ZNF713: variants seen among roughly 807,000 people sequenced by gnomAD.
ZNF713 encodes the protein zinc finger protein 713.
A neutral mutation model predicts 28.7 loss-of-function variants in ZNF713; 21 were observed. The ratio of observed to expected loss-of-function variants is 0.73; its 90% confidence interval spans 0.52 to 1.05. The LOEUF (loss-of-function observed/expected upper bound fraction) is 1.05. Ranked by LOEUF, ZNF713 falls within the 50% of genes least tolerant of loss-of-function variation. ZNF713 has a pLI of 0.00. For synonymous variants in ZNF713, 167 were observed against 178.0 expected (o/e 0.94, Z 0.49); for missense variants, 458 against 532.4 (o/e 0.86, Z 1.37).
intron 1 of ZNF713, among the ~76,000 whole-genome samples, chr7:55,890,488 A>G (rs1482228150): frequency 2.0e-5 from 3 of 151,206 alleles, no homozygotes; most frequent in Non-Finnish European, 2.9e-5. Flanking sequence ...TTAAGGCCCT[A>G]TTTCCAAATA....
intron 2 of ZNF713, among the ~76,000 whole-genome samples, chr7:55,908,137 T>G (rs1021151596): frequency 1.1e-4 from 3 of 27,716 alleles, no homozygotes; most frequent in African/African-American, 7.5e-4. Context: ...CCGTTGTTGT[T>G]TTTTTTTTTT....
chr7:55,923,652 AG>A lies in ZNF713; in HGVS notation c.262del (p.Glu88LysfsTer4). 1.2e-6 allele frequency: 2 copies of A among 1,612,108 alleles called. No individual in the cohort carries two copies. Among genetic ancestry groups the A allele is most frequent in the South Asian group, 2.2e-5 (2 of 90,606 alleles). ...GAGGTAATCGCGCAGTTGGAGCTAG[AG>A]GAAGAATGGGTGATAGAAAGAGACA... is the stretch of plus-strand genomic sequence containing the variant. ...KPEVIAQLEL[E>X]EEWVIERDSL... On this transcript the variant is annotated frameshift_variant, in exon 6 of 7. Transcript: ENST00000429591. LOFTEE classifies it low-confidence loss of function (END_TRUNC).
chr7:55,900,936 G>A (rs1432112893), intron 1 of ZNF713, among the ~76,000 whole-genome samples: 1 of 152,166 alleles, frequency 6.6e-6, no homozygotes, highest in South Asian at 2.1e-4. Context: ...CTCCCAAAGT[G>A]CTGGGATTAC....
intron 1 of ZNF713, among the ~76,000 whole-genome samples, chr7:55,896,794 G>A (rs1785481365): frequency 6.6e-6 from 1 of 151,996 alleles, no homozygotes; most frequent in Non-Finnish European, 1.5e-5. Context: ...TCCAGTAAAA[G>A]GAACCAGGGC....
At chr7:55,920,000 T>C (rs1010323175) in intron 4 of ZNF713, among the ~76,000 whole-genome samples, 2 of 152,214 alleles carry the variant, frequency 1.3e-5, no homozygotes, top group African/African-American at 4.8e-5. Flanking sequence ...GTGTTCTGAC[T>C]GCTCCACCAT....
intron 6 of ZNF713, among the ~76,000 whole-genome samples, chr7:55,938,773 A>C (rs1001251885): frequency 1.4e-4 from 22 of 152,256 alleles, no homozygotes; most frequent in African/African-American, 5.1e-4. Flanking sequence ...CACATGTTTA[A>C]AAATTTCCCC....
At chr7:55,892,526 C>T (rs548128719) in intron 1 of ZNF713, among the ~76,000 whole-genome samples, 2 of 136,798 alleles carry the variant, frequency 1.5e-5, no homozygotes, top group African/African-American at 5.5e-5. Flanking sequence ...TCCCCTTTGC[C>T]CTCTGAAGGT....
intron 1 of ZNF713, among the ~76,000 whole-genome samples, chr7:55,890,096 T>C (rs528822006): frequency 3.3e-4 from 50 of 152,270 alleles, no homozygotes; most frequent in African/African-American, 1.1e-3. Context: ...CCTGTGCCTC[T>C]TCTTCTTATG....
intron 1 of ZNF713, among the ~76,000 whole-genome samples, chr7:55,904,511 C>T (rs977473437): frequency 2.2e-5 from 2 of 91,558 alleles, no homozygotes; most frequent in East Asian, 7.3e-4. Flanking sequence ...ATTGCATGAA[C>T]AACAACATAA....
intron 1 of ZNF713, among the ~76,000 whole-genome samples, chr7:55,895,617 C>T (rs1001213435): frequency 2.0e-5 from 3 of 151,620 alleles, no homozygotes; most frequent in African/African-American, 4.8e-5. Flanking sequence ...TACAGGCACG[C>T]GCCACCATGC....
chr7:55,923,555 G>A (rs1372083100), intron 5 of ZNF713, 52 bp from the exon 6 acceptor site: 2 of 1,484,190 alleles, frequency 1.3e-6, no homozygotes, highest in Non-Finnish European at 1.8e-6. Context: ...GTGTGTCTGA[G>A]AATTTTGTTC....
At chr7:55,931,634 CCTT>C (rs1016122760) in intron 6 of ZNF713, among the ~76,000 whole-genome samples, 1 of 151,864 alleles carries the variant, frequency 6.6e-6, no homozygotes, top group African/African-American at 2.4e-5. Context: ...TCCTCTCCCT[CCTT>C]CTTTCCCTCT....
intron 1 of ZNF713, among the ~76,000 whole-genome samples, chr7:55,904,010 C>T (rs530740998): frequency 6.6e-6 from 1 of 151,712 alleles, no homozygotes; most frequent in South Asian, 2.1e-4. Context: ...AAGTCAACTA[C>T]AGAGGAAAAA....
At chr7:55,910,599 G>T (rs1220145649) in intron 2 of ZNF713, among the ~76,000 whole-genome samples, 4 of 151,456 alleles carry the variant, frequency 2.6e-5, no homozygotes, top group Admixed American at 2.6e-4. Flanking sequence ...AGGCTGAAGC[G>T]ATCCTCCCAC....
At chr7:55,902,019 C>T (rs1045413955) in intron 1 of ZNF713, among the ~76,000 whole-genome samples, 4 of 152,126 alleles carry the variant, frequency 2.6e-5, no homozygotes, top group Admixed American at 6.6e-5. Context: ...GGCAAAACCT[C>T]GTCTCTACTA....
intron 6 of ZNF713, among the ~76,000 whole-genome samples, chr7:55,926,038 G>A (rs1024341941): frequency 2.6e-5 from 4 of 152,062 alleles, no homozygotes; most frequent in African/African-American, 7.2e-5. Flanking sequence ...GATTTTGACC[G>A]GGCTCAGTGG....
chr7:55,939,376 C>A lies in ZNF713; in HGVS notation c.702C>A (p.Pro234=). ...YYQGNYVRET[P]YEYSECGKIF... is the part of the protein sequence containing the mutation. ...AGGGAAATTATGTAAGAGAGACTCC[C>A]TATGAATATAGTGAGTGTGGAAAAA... Residue 234 remains proline (P), a synonymous_variant, in exon 7 of 7, where the codon CCC becomes CCA. Coordinates refer to ENST00000429591, the MANE Select transcript of ZNF713 (RefSeq NM_182633.3). 6.2e-7 allele frequency: 1 copy of A among 1,613,900 alleles called. No individual in the cohort carries two copies. Among genetic ancestry groups the A allele is most frequent in the South Asian group, 1.1e-5 (1 of 91,030 alleles).
intron 6 of ZNF713, among the ~76,000 whole-genome samples, chr7:55,931,114 T>C (rs909000638): frequency 4.6e-5 from 7 of 152,094 alleles, no homozygotes; most frequent in African/African-American, 1.7e-4. Flanking sequence ...GATGAAACCC[T>C]GTCTCTACTA....
chr7:55,915,344 C>G lies in ZNF713; in HGVS notation c.87+2621C>G, dbSNP rs1200047879. On this transcript the variant is annotated intron_variant, in intron 4 of 6. Transcript: ENST00000429591. Reference sequence around the variant, plus strand: ...TATGTGACAAGTTTTTTTTCTTTTCCTTTTTTCTTCTTATGGTCTACTGGT... The same window carrying G: ...TATGTGACAAGTTTTTTTTCTTTTCGTTTTTTCTTCTTATGGTCTACTGGT... 2.6e-5 allele frequency among the ~76,000 whole-genome samples: 4 copies of G among 151,902 alleles called. No individual in the cohort carries two copies. In the East Asian group the frequency reaches 7.7e-4, roughly 29 times the overall value.
Sources: gnomAD v4.1 joint callset for allele counts (sites outside exome capture counted in the v4.1 genomes callset) on GRCh38, gnomAD v4.1.1 for gene constraint, MANE v1.5 for transcripts, NCBI Gene and HGNC (gene_info 2026-07-23, HGNC 2026-07-21) for gene names.